AKAP13: variants seen among roughly 807,000 people sequenced by gnomAD.
AKAP13 encodes A-kinase anchoring protein 13.
Under a neutral mutation model 264.5 loss-of-function variants are expected in AKAP13, and 80 were observed. The observed-to-expected ratio is 0.30, with a 90% CI of 0.25 to 0.36. AKAP13 has a LOEUF of 0.36. AKAP13 is among the 10% of genes least tolerant of loss of function. AKAP13 has a pLI of 1.00. For synonymous variants in AKAP13, 1,380 were observed against 1,250.2 expected (o/e 1.10, Z -2.19); for missense variants, 3,712 against 3,435.2 (o/e 1.08, Z -2.01).
chr15:85,664,873 T>A, intron 13 of AKAP13, 118 bp downstream of exon 13: 1 of 957,036 alleles, frequency 1.0e-6, no homozygotes, highest in Non-Finnish European at 1.5e-6. Flanking sequence ...TTATATGATA[T>A]ACTTAATCTA....
At chr15:85,460,226 A>T (rs1489716709) in intron 1 of AKAP13, among the ~76,000 whole-genome samples, 1 of 151,770 alleles carries the variant, frequency 6.6e-6, no homozygotes, top group African/African-American at 2.4e-5. Context: ...TCACACACAC[A>T]CTCACCAAGC....
intron 1 of AKAP13, among the ~76,000 whole-genome samples, chr15:85,419,704 T>A (rs1015619652): frequency 7.2e-5 from 11 of 152,308 alleles, no homozygotes; most frequent in South Asian, 6.2e-4. Context: ...CAGCTTTTTT[T>A]AAAAAGCTTG....
chr15:85,650,791 CA>C (rs1191739643), intron 10 of AKAP13, among the ~76,000 whole-genome samples: 3 of 65,148 alleles, frequency 4.6e-5, no homozygotes, highest in Non-Finnish European at 9.2e-5. Context: ...AAAAAAAAAA[CA>C]ACAAAAACTG....
At chr15:85,722,766 TA>T (rs79632669) in intron 25 of AKAP13, among the ~76,000 whole-genome samples, 2,029 of 143,758 alleles carry the variant, frequency 0.014, 41 homozygotes, top group African/African-American at 0.045. Flanking sequence ...GTAAAACAAA[TA>T]AAAAAAAAAA....
chr15:85,544,490 A>AT (rs1207654914), intron 5 of AKAP13, among the ~76,000 whole-genome samples: 1 of 152,242 alleles, frequency 6.6e-6, no homozygotes, highest in Non-Finnish European at 1.5e-5. Flanking sequence ...ATGAACAGCA[A>AT]TAAAAAGCAA....
chr15:85,481,751 A>T (rs1189283608), intron 1 of AKAP13, among the ~76,000 whole-genome samples: 5 of 152,194 alleles, frequency 3.3e-5, no homozygotes, highest in African/African-American at 1.2e-4. Flanking sequence ...CAGTCTTTAA[A>T]TACTAGGCAA....
At chr15:85,399,057 A>G (rs1164731830) in intron 1 of AKAP13, among the ~76,000 whole-genome samples, 1 of 152,194 alleles carries the variant, frequency 6.6e-6, no homozygotes, top group Non-Finnish European at 1.5e-5. Flanking sequence ...TGGAATTGTT[A>G]GGGCAAATGG....
intron 1 of AKAP13, among the ~76,000 whole-genome samples, chr15:85,475,202 A>G (rs2075115875): frequency 6.6e-6 from 1 of 152,202 alleles, no homozygotes; most frequent in Non-Finnish European, 1.5e-5. Context: ...TAATTTACAT[A>G]AAACCCAGCT....
intron 12 of AKAP13, among the ~76,000 whole-genome samples, chr15:85,661,905 A>T (rs1451616207): frequency 1.9e-5 from 1 of 51,476 alleles, no homozygotes; most frequent in Non-Finnish European, 3.6e-5. Flanking sequence ...AACACATGAA[A>T]AAAAAAAAAA....
At chr15:85,635,785 A>C (rs1371518598) in intron 8 of AKAP13, among the ~76,000 whole-genome samples, 1 of 152,122 alleles carries the variant, frequency 6.6e-6, no homozygotes, top group Non-Finnish European at 1.5e-5. Context: ...ATTTGTTTAC[A>C]TATTAGTATC....
At chr15:85,560,825 T>A (rs1425816406) in intron 5 of AKAP13, among the ~76,000 whole-genome samples, 1 of 152,194 alleles carries the variant, frequency 6.6e-6, no homozygotes, top group African/African-American at 2.4e-5. Flanking sequence ...TATAATTAGG[T>A]CAAAGGAAAT....
intron 8 of AKAP13, among the ~76,000 whole-genome samples, chr15:85,602,141 G>C (rs1002805345): frequency 2.0e-5 from 3 of 151,718 alleles, no homozygotes; most frequent in Non-Finnish European, 4.4e-5. Context: ...CAAACAGTAG[G>C]TTCTTAAAAG....
chr15:85,405,946 C>G (rs1328023942), intron 1 of AKAP13, among the ~76,000 whole-genome samples: 1 of 152,084 alleles, frequency 6.6e-6, no homozygotes. Context: ...CTCCTGGGCT[C>G]AAGCAGACCT....
At chr15:85,712,965 C>T (rs1425382687) in intron 19 of AKAP13, among the ~76,000 whole-genome samples, 2 of 152,194 alleles carry the variant, frequency 1.3e-5, no homozygotes, top group African/African-American at 4.8e-5. Context: ...AGCTGTGTAA[C>T]TGGACATTAC....
intron 8 of AKAP13, among the ~76,000 whole-genome samples, chr15:85,599,527 C>T: frequency 6.6e-6 from 1 of 152,116 alleles, no homozygotes; most frequent in Admixed American, 6.6e-5. Flanking sequence ...GTATCTCTAC[C>T]TACTCACTGG....
At chr15:85,531,209 C>G (rs1020218824) in intron 3 of AKAP13, among the ~76,000 whole-genome samples, 3 of 152,160 alleles carry the variant, frequency 2.0e-5, no homozygotes, top group Non-Finnish European at 4.4e-5. Flanking sequence ...CTGCTTTTGC[C>G]CACATATGGA....
At chr15:85,437,874 A>G (rs2073392187) in intron 1 of AKAP13, among the ~76,000 whole-genome samples, 2 of 151,360 alleles carry the variant, frequency 1.3e-5, no homozygotes, top group African/African-American at 4.9e-5. Flanking sequence ...TGAATGGGCA[A>G]AAACTGGAAG....
intron 3 of AKAP13, among the ~76,000 whole-genome samples, chr15:85,523,022 G>A (rs966468559): frequency 6.7e-6 from 1 of 150,312 alleles, no homozygotes; most frequent in African/African-American, 2.5e-5. Flanking sequence ...CCTCATCACA[G>A]CAGAGGTAAC....
rs373123432 is a variant in AKAP13, at chr15:85,579,606, T to G, written c.1538T>G (p.Ile513Ser). ...AAGGAAAGATTTGAGAACTCTAATA[T>G]TGGCACAGCTGGAGCCTCTGACGTG... is the stretch of plus-strand genomic sequence containing the variant. The part of the protein sequence containing the change: ...STKERFENSN[I>S]GTAGASDVHV... Residue 513 changes from isoleucine (I) to serine (S), a missense_variant, in exon 7 of 37, where the codon ATT becomes AGT. Physicochemically the swap from Ile to Ser is moderately radical, Grantham distance 142 (BLOSUM62 -2). This residue lies in a region of AKAP13 where 2,759 missense variants were observed against 2,411.7 expected (regional missense o/e 1.14). Transcript: ENST00000394518. 1 of 1,614,122 alleles carries G rather than the reference T, an allele frequency of 6.2e-7. No individual in the cohort carries two copies. Among genetic ancestry groups the G allele is most frequent in the African/African-American group, 1.3e-5 (1 of 74,940 alleles).
Sources: allele counts gnomAD v4.1 joint callset (sites outside exome capture counted in the v4.1 genomes callset), GRCh38; gene constraint gnomAD v4.1.1; regional missense constraint gnomAD v4.1.1; transcripts MANE v1.5; gene names NCBI Gene and HGNC (gene_info 2026-07-23, HGNC 2026-07-21).